The following PTCHD1 variants were observed in gnomAD, a reference collection of about 807,000 sequenced individuals.
The protein encoded by PTCHD1 is patched domain containing 1, also known as patched domain-containing protein 1.
Under a neutral mutation model 34.6 loss-of-function variants are expected in PTCHD1, and 3 were observed. The observed-to-expected ratio is 0.09, with a 90% CI of 0.04 to 0.22. The LOEUF is 0.22. Among genes scored for constraint, PTCHD1 ranks in the 10% least tolerant of loss-of-function variants. PTCHD1 has a pLI of 1.00. For missense variants in PTCHD1, 504 were observed against 685.5 expected (o/e 0.74, Z 2.96); for synonymous variants, 305 against 283.1 (o/e 1.08, Z -0.77).
At chrX:23,385,235 T>C (rs1922657359) in intron 2 of PTCHD1, among the ~76,000 whole-genome samples, 1 of 111,775 alleles carries the variant, frequency 8.9e-6, no homozygotes, top group Non-Finnish European at 1.9e-5. Context: ...ATTCTTATGC[T>C]CCACCAATCA....
At chrX:23,376,462 T>C (rs995416340) in intron 1 of PTCHD1, among the ~76,000 whole-genome samples, 1 of 112,471 alleles carries the variant, frequency 8.9e-6, no homozygotes, top group African/African-American at 3.2e-5. Flanking sequence ...GTTTAGAACA[T>C]CCACTAATGT....
intron 1 of PTCHD1, among the ~76,000 whole-genome samples, chrX:23,365,836 G>T (rs181734540): frequency 1.2e-3 from 130 of 112,366 alleles, no homozygotes; most frequent in African/African-American, 4.0e-3. Context: ...TATGAGCAGG[G>T]TGCCAACTGC....
intron 1 of PTCHD1, among the ~76,000 whole-genome samples, chrX:23,351,944 G>A (rs1476121275): frequency 8.9e-6 from 1 of 112,025 alleles, no homozygotes; most frequent in Non-Finnish European, 1.9e-5. Context: ...AGGACATGGG[G>A]TTAATGAAGC....
At chrX:23,351,399 G>T in intron 1 of PTCHD1, 1 of 631,791 alleles carries the variant, frequency 1.6e-6, no homozygotes, top group Non-Finnish European at 2.7e-6. Context: ...TTCTGAAATG[G>T]TACGAAAACT....
At chrX:23,370,559 T>G (rs1404466959) in intron 1 of PTCHD1, among the ~76,000 whole-genome samples, 7 of 111,760 alleles carry the variant, frequency 6.3e-5, no homozygotes, top group Admixed American at 4.8e-4. Flanking sequence ...TTACAGGTAC[T>G]CATCCTTGGT....
At position 23,342,301 on chromosome X, in the gene PTCHD1, TA is replaced by T. The variant is rs1569132093; in HGVS notation, c.351+7076del. Among the ~76,000 whole-genome samples, 33 of 15,289 alleles carry T rather than the reference TA, an allele frequency of 2.2e-3. 1 individual carries two copies. The highest frequency in any genetic ancestry group is 4.1e-3 in the Admixed American group (5 of 1,219). 13.3% of individuals were successfully genotyped at this position (15,289 alleles called of 115,157 possible). ...ATATATATATATATATATATATATA[TA>T]TATATATATTTTTTTTTTTTTTTTT... On this transcript the variant is annotated intron_variant, in intron 1 of 2. Coordinates refer to ENST00000379361, the MANE Select transcript of PTCHD1 (RefSeq NM_173495.3).
At chrX:23,392,510 G>A in intron 2 of PTCHD1, 21 bp from the exon 3 acceptor site, 1 of 1,039,360 alleles carries the variant, frequency 9.6e-7, no homozygotes, top group Non-Finnish European at 1.4e-6. Context: ...CTTCTGCTCT[G>A]GTCTTTTTCT....
chrX:23,350,633 T>C (rs902632358), intron 1 of PTCHD1, among the ~76,000 whole-genome samples: 1 of 111,548 alleles, frequency 9.0e-6, no homozygotes, highest in East Asian at 2.8e-4. Flanking sequence ...GAACTGGAGA[T>C]TGGTCAGTGT....
In PTCHD1 at chrX:23,398,546, G is replaced by A. The variant is rs1454157980; in HGVS notation, c.*4361G>A. The A allele has an allele frequency of 8.9e-6, 1 of 111,812 alleles. No individual in the cohort carries two copies. The highest frequency in any genetic ancestry group is 9.5e-5 in the Admixed American group (1 of 10,564). The allele number at this position is 111,812 out of a possible 1,213,427, so 9.2% of individuals were successfully genotyped here. A position where few individuals can be genotyped will look rare whatever the true frequency, so the allele number is the denominator to read the frequency against. On this transcript the variant is annotated 3_prime_UTR_variant, in exon 3 of 3. Transcript: ENST00000379361. ...GAGGGAATGTAAACATTCCCTTGAG[G>A]TAATTTGCTTTTAATTTTGTGTAAA...
chrX:23,385,598 C>A (rs1922668286), intron 2 of PTCHD1, among the ~76,000 whole-genome samples: 1 of 111,754 alleles, frequency 8.9e-6, no homozygotes, highest in South Asian at 3.8e-4. Context: ...CACAGCTGGG[C>A]AGTCTTGACC....
At chrX:23,392,444 C>T in intron 2 of PTCHD1, 87 bp from the exon 3 acceptor site, 1 of 628,283 alleles carries the variant, frequency 1.6e-6, no homozygotes, top group East Asian at 3.3e-5. Context: ...TTTCCTTTGA[C>T]CCAGTAGTCC....
chrX:23,370,344 G>A (rs887054445), intron 1 of PTCHD1, among the ~76,000 whole-genome samples: 3 of 111,759 alleles, frequency 2.7e-5, no homozygotes, highest in African/African-American at 9.8e-5. Flanking sequence ...CAGAAGGGTC[G>A]AGGCCTTTGC....
In PTCHD1 at chrX:23,397,991, C is replaced by G. The variant is rs1923031992; in HGVS notation, c.*3806C>G. The G allele has an allele frequency of 8.9e-6, 1 of 112,150 alleles. No individual in the cohort carries two copies. Among genetic ancestry groups the G allele is most frequent in the Non-Finnish European group, 1.9e-5 (1 of 53,293 alleles). The allele number at this position is 112,150 out of a possible 1,213,427, so 9.2% of individuals were successfully genotyped here. A position where few individuals can be genotyped will look rare whatever the true frequency, so the allele number is the denominator to read the frequency against. On this transcript the variant is annotated 3_prime_UTR_variant, in exon 3 of 3. Coordinates refer to ENST00000379361, the MANE Select transcript of PTCHD1 (RefSeq NM_173495.3). ...AAATGGGGATAATATCAGTAAATGT[C>G]TTTAAATTCAGCAAATACTTATCGA...
chrX:23,360,978 C>G (rs867370150), intron 1 of PTCHD1, among the ~76,000 whole-genome samples: 4 of 112,101 alleles, frequency 3.6e-5, no homozygotes, highest in African/African-American at 9.7e-5. Context: ...TTTCTTAATC[C>G]TGAGTTTTAA....
chrX:23,393,718 G>A lies in PTCHD1; in HGVS notation c.2200G>A (p.Val734Met), dbSNP rs375608260. Residue 734 changes from valine (V) to methionine (M), a missense_variant, in exon 3 of 3, where the codon GTG becomes ATG. Transcript: ENST00000379361. ...NVWITLTVVS[V>M]EFGVIGFMTL... is the part of the protein sequence containing the mutation. The stretch of plus-strand genomic sequence containing the variant: ...CTGGATCACTCTCACAGTTGTGTCC[G>A]TGGAGTTTGGAGTGATAGGTTTCAT... 8.3e-7 allele frequency: 1 copy of A among 1,209,293 alleles called. No individual in the cohort carries two copies. The highest frequency in any genetic ancestry group is 1.1e-6 in the Non-Finnish European group (1 of 894,422).
At chrX:23,335,997 G>A (rs979279798) in intron 1 of PTCHD1, among the ~76,000 whole-genome samples, 1 of 111,931 alleles carries the variant, frequency 8.9e-6, no homozygotes, top group Non-Finnish European at 1.9e-5. Context: ...TCTGAGCATG[G>A]GGGTGAGGGG....
At chrX:23,358,250 A>G (rs990239421) in intron 1 of PTCHD1, among the ~76,000 whole-genome samples, 5 of 112,108 alleles carry the variant, frequency 4.5e-5, no homozygotes, top group Non-Finnish European at 9.4e-5. Context: ...TTCCACAATG[A>G]TTGAACTAGT....
chrX:23,353,643 T>G (rs1921717015), intron 1 of PTCHD1, among the ~76,000 whole-genome samples: 1 of 111,459 alleles, frequency 9.0e-6, no homozygotes, highest in Admixed American at 9.5e-5. Flanking sequence ...AGATCCTACC[T>G]AAGATGAAGA....
intron 1 of PTCHD1, among the ~76,000 whole-genome samples, chrX:23,347,615 G>A (rs4828987): frequency 0.17 from 18,407 of 111,441 alleles, 1,455 homozygotes; most frequent in East Asian, 0.47. Context: ...TACAAGGCAA[G>A]CCAAAATAAA....
Sources: allele counts gnomAD v4.1 joint callset (sites outside exome capture counted in the v4.1 genomes callset), GRCh38; gene constraint gnomAD v4.1.1; transcripts MANE v1.5; gene names NCBI Gene and HGNC (gene_info 2026-07-23, HGNC 2026-07-21).